NF1: variants seen among roughly 807,000 people sequenced by gnomAD.
NF1 encodes the protein neurofibromin 1, also known as neurofibromin.
In NF1, 122 loss-of-function variants were observed where a neutral mutation model predicts 325.7. The ratio of observed to expected loss-of-function variants is 0.37; its 90% CI spans 0.32 to 0.44. The LOEUF is 0.44. NF1 is among the 20% of genes least tolerant of loss of function. The probability of loss-of-function intolerance (pLI) is 1.00; values close to 1 mark genes in which losing one functional copy is unlikely to be tolerated. For missense variants in NF1, 2,140 were observed against 3,415.4 expected (o/e 0.63, Z 9.31); for synonymous variants, 1,091 against 1,186.0 (o/e 0.92, Z 1.65).
chr17:31,228,438 G>A (rs2067053312), intron 20 of NF1, among the ~76,000 whole-genome samples: 1 of 152,112 alleles, frequency 6.6e-6, no homozygotes, highest in African/African-American at 2.4e-5. Context: ...GGGGATAACT[G>A]TTTTATATAA....
At chr17:31,284,525 TC>T (rs1461897610) in intron 36 of NF1, among the ~76,000 whole-genome samples, 1 of 151,934 alleles carries the variant, frequency 6.6e-6, no homozygotes, top group Non-Finnish European at 1.5e-5. Context: ...CCTGAAGTGA[TC>T]CGCCTGCCTC....
rs778076516 is a variant in NF1, at chr17:31,304,517, G to T, written c.4836-21303G>T. 5 of 1,614,162 alleles carry T rather than the reference G, an allele frequency of 3.1e-6. No individual in the cohort carries two copies. In the South Asian group the frequency reaches 5.5e-5, roughly 18 times the overall value. ...AGACTAGTAGAATCATTTGGAAGAG[G>T]AGATACAATTGTCATTGTGGGTTTG... On this transcript the variant is annotated intron_variant, in intron 36 of 57. Coordinates refer to ENST00000358273, the MANE Select transcript of NF1 (RefSeq NM_001042492.3).
intron 13 of NF1, among the ~76,000 whole-genome samples, chr17:31,217,485 A>G (rs984123946): frequency 6.6e-6 from 1 of 151,684 alleles, no homozygotes; most frequent in African/African-American, 2.4e-5. Flanking sequence ...TTGTACTTTT[A>G]GGAGAGATGG....
intron 35 of NF1, among the ~76,000 whole-genome samples, chr17:31,263,856 T>G (rs1359600389): frequency 1.3e-5 from 2 of 152,106 alleles, no homozygotes; most frequent in Admixed American, 1.3e-4. Flanking sequence ...TAAAGAAAGT[T>G]AAAAAAATTA....
At chr17:31,333,581 G>A (rs1597838266) in intron 39 of NF1, among the ~76,000 whole-genome samples, 2 of 152,066 alleles carry the variant, frequency 1.3e-5, no homozygotes, top group South Asian at 2.1e-4. Context: ...ATTTATAATA[G>A]CAAAAAAATG....
intron 5 of NF1, among the ~76,000 whole-genome samples, chr17:31,178,977 A>C (rs1253757035): frequency 2.0e-5 from 3 of 152,218 alleles, no homozygotes; most frequent in Admixed American, 6.5e-5. Context: ...GTTAACAAGG[A>C]TATCCAGGAG....
intron 40 of NF1, among the ~76,000 whole-genome samples, chr17:31,335,360 G>T (rs2069639392): frequency 2.4e-5 from 2 of 83,796 alleles, no homozygotes; most frequent in African/African-American, 1.3e-4. Context: ...TAGAACTGTA[G>T]AAATCTGGTG....
intron 1 of NF1, among the ~76,000 whole-genome samples, chr17:31,146,856 T>G (rs1916621230): frequency 6.6e-6 from 1 of 152,194 alleles, no homozygotes; most frequent in Non-Finnish European, 1.5e-5. Flanking sequence ...TGGGTTATCT[T>G]GGGAAGGATA....
chr17:31,206,106 A>G (rs2066615049), intron 11 of NF1, 134 bp from the exon 12 acceptor site: 1 of 894,570 alleles, frequency 1.1e-6, no homozygotes, highest in South Asian at 1.3e-5. Context: ...GACTTTGGAA[A>G]TCATGGTGTG....
intron 57 of NF1, among the ~76,000 whole-genome samples, chr17:31,371,828 C>T (rs2070647157): frequency 6.6e-6 from 1 of 152,210 alleles, no homozygotes; most frequent in Non-Finnish European, 1.5e-5. Context: ...GACAAATGCC[C>T]ATGTTCCTTT....
intron 8 of NF1, among the ~76,000 whole-genome samples, chr17:31,199,038 T>C (rs1206574612): frequency 2.6e-5 from 4 of 152,150 alleles, no homozygotes; most frequent in African/African-American, 9.7e-5. Flanking sequence ...TTTCAAAGAA[T>C]CAGCTTCTGG....
intron 1 of NF1, chr17:31,133,391 AT>A (rs1355521415): frequency 6.6e-6 from 1 of 152,194 alleles, no homozygotes; most frequent in Non-Finnish European, 1.5e-5. Flanking sequence ...CATTCAGGAC[AT>A]TTGGGTTACT....
chr17:31,159,457 C>T (rs1384351089), intron 3 of NF1, among the ~76,000 whole-genome samples: 3 of 152,084 alleles, frequency 2.0e-5, no homozygotes, highest in African/African-American at 7.2e-5. Context: ...CTTGTATTTC[C>T]TCCTATATGA....
chr17:31,277,622 C>A (rs559845043), intron 36 of NF1, among the ~76,000 whole-genome samples: 163 of 152,200 alleles, frequency 1.1e-3, no homozygotes, highest in Admixed American at 2.8e-3. Context: ...TGGCTTTCAG[C>A]TGGCCCATAG....
intron 1 of NF1, among the ~76,000 whole-genome samples, chr17:31,109,544 C>T (rs370725487): frequency 1.3e-4 from 19 of 151,872 alleles, no homozygotes; most frequent in East Asian, 5.8e-4. Flanking sequence ...TCACGATGCC[C>T]GGCTAATTTT....
chr17:31,154,550 T>C (rs1262285851), intron 1 of NF1, among the ~76,000 whole-genome samples: 1 of 152,134 alleles, frequency 6.6e-6, no homozygotes, highest in Non-Finnish European at 1.5e-5. Context: ...ATTAAAAATT[T>C]GGCAAAATAA....
At chr17:31,234,386 G>A (rs1163594792) in intron 27 of NF1, among the ~76,000 whole-genome samples, 1 of 152,030 alleles carries the variant, frequency 6.6e-6, no homozygotes, top group African/African-American at 2.4e-5. Flanking sequence ...TAAAGAATCA[G>A]TTAAGGGCCG....
chr17:31,112,580 A>G (rs1303545614), intron 1 of NF1, among the ~76,000 whole-genome samples: 1 of 152,008 alleles, frequency 6.6e-6, no homozygotes, highest in Admixed American at 6.6e-5. Context: ...CCATCTGAAT[A>G]TTTTCTTTGG....
intron 40 of NF1, among the ~76,000 whole-genome samples, chr17:31,335,296 A>ATATATATGTAT (rs1440930498): frequency 2.0e-5 from 1 of 50,064 alleles, no homozygotes; most frequent in African/African-American, 1.4e-4. Flanking sequence ...ATATATATAT[A>ATATATATGTAT]ATTATGCCTT....
Sources: allele counts gnomAD v4.1 joint callset (sites outside exome capture counted in the v4.1 genomes callset), GRCh38; gene constraint gnomAD v4.1.1; transcripts MANE v1.5; gene names NCBI Gene and HGNC (gene_info 2026-07-23, HGNC 2026-07-21).